The following ZNF701 variants were observed in gnomAD, a reference collection of about 807,000 sequenced individuals.
The protein encoded by ZNF701 is zinc finger protein 701.
ZNF701 carries 6 observed loss-of-function variants against 7.1 expected under a neutral mutation model. That is an observed-to-expected ratio of 0.84 (90% CI 0.46 to 1.66). ZNF701 has a LOEUF of 1.66. Among genes scored for constraint, ZNF701 ranks in the 40% most tolerant of loss-of-function variants. The pLI, the probability that ZNF701 is intolerant of heterozygous loss-of-function variation, is 0.01. For missense variants in ZNF701, 541 were observed against 559.2 expected, an observed-to-expected ratio of 0.97 and a Z score of 0.33; for synonymous variants, 166 against 188.2, an observed-to-expected ratio of 0.88 and a Z score of 0.97.
chr19:52,572,476 A>C, intron 1 of ZNF701: 1 of 1,144,910 alleles, frequency 8.7e-7, no homozygotes, highest in Non-Finnish European at 1.1e-6. Context: ...TTGCAAAGGA[A>C]GTTTCTTTAT....
intron 3 of ZNF701, among the ~76,000 whole-genome samples, chr19:52,579,330 C>T (rs750819555): frequency 2.9e-5 from 4 of 139,874 alleles, no homozygotes; most frequent in Non-Finnish European, 6.0e-5. Context: ...AGTTCAAGAC[C>T]AGTCTCAACA....
downstream of ZNF701, chr19:52,588,484 C>CA (rs376707736): frequency 0.12 from 18,638 of 156,338 alleles, 808 homozygotes; most frequent in African/African-American, 0.21. Flanking sequence ...GACACCATCT[C>CA]AAAAAAAAAA....
the ZNF701 span, among the ~76,000 whole-genome samples, chr19:52,593,042 T>C: frequency 1.4e-4 from 17 of 117,540 alleles, 6 homozygotes; most frequent in African/African-American, 5.6e-4. Flanking sequence ...CCACCCTTAA[T>C]CCATTCAACC....
At chr19:52,591,678 T>C (rs2060037440), downstream of ZNF701, among the ~76,000 whole-genome samples, 1 of 151,902 alleles carries the variant, frequency 6.6e-6, no homozygotes, top group African/African-American at 2.4e-5. Context: ...TGCCTCAGCC[T>C]TCAAGTAGCT....
At position 52,580,103 on chromosome 19, in the gene ZNF701, G is replaced by A. The variant is rs907625659; in HGVS notation, c.143-2099G>A. Among the ~76,000 whole-genome samples the A allele has an allele frequency of 4.2e-5, 6 of 141,212 alleles. 1 individual carries two copies. Among genetic ancestry groups the A allele is most frequent in the Admixed American group, 1.4e-4 (2 of 14,734 alleles). The allele number at this position is 141,212 out of a possible 152,430, so 92.6% of individuals were successfully genotyped here. A position where few individuals can be genotyped will look rare whatever the true frequency, so the allele number is the denominator to read the frequency against. ...GCTACAGGCGCCTGCCACCACACCC[G>A]GCTATTTTTTATTGTATTTTTAGTA... On this transcript the variant is annotated intron_variant, in intron 3 of 3. Coordinates refer to ENST00000391785, the MANE Select transcript of ZNF701 (RefSeq NM_018260.3).
Position 52,582,240 on chromosome 19 carries a change from A to G in ZNF701, c.181A>G (p.Thr61Ala). The G allele has an allele frequency of 1.3e-6, 2 of 1,591,064 alleles. No individual in the cohort carries two copies. Among genetic ancestry groups the G allele is most frequent in the Non-Finnish European group, 1.7e-6 (2 of 1,169,410 alleles). The change falls in exon 4 of 4, where the codon ACA (threonine) becomes GCA (alanine). Residue 61 changes from threonine (T) to alanine (A), a missense_variant. Coordinates refer to ENST00000391785, the MANE Select transcript of ZNF701 (RefSeq NM_018260.3). Reference protein sequence around the residue: ...SKCMMKMFSSTGQGNTEVVHT... With the variant: ...SKCMMKMFSSAGQGNTEVVHT... ...ATGCATGATGAAGATGTTCTCATCA[A>G]CAGGACAAGGCAATACAGAAGTGGT...
chr19:52,570,293 G>C lies in ZNF701; in HGVS notation c.-109G>C, dbSNP rs2059889116. On this transcript the variant is annotated 5_prime_UTR_variant, in exon 1 of 4. Coordinates refer to ENST00000391785, the MANE Select transcript of ZNF701 (RefSeq NM_018260.3). ...TGTGCGCACACATCCGCGCAGACCAGGAAGCGGATCCCGTGGAGTGAAGGT... is the reference window on the plus strand; with the variant it reads ...TGTGCGCACACATCCGCGCAGACCACGAAGCGGATCCCGTGGAGTGAAGGT... 6.5e-6 allele frequency: 1 copy of C among 154,230 alleles called. No homozygotes were observed. Among genetic ancestry groups the C allele is most frequent in the African/African-American group, 2.4e-5 (1 of 41,502 alleles). The allele number at this position is 154,230 out of a possible 1,614,324, so 9.6% of individuals were successfully genotyped here. A position where few individuals can be genotyped will look rare whatever the true frequency, so the allele number is the denominator to read the frequency against.
the ZNF701 span, among the ~76,000 whole-genome samples, chr19:52,592,618 G>C: frequency 1.3e-5 from 2 of 152,122 alleles, no homozygotes; most frequent in African/African-American, 4.8e-5. Context: ...GTTTTTATGA[G>C]ACAGAGTGTT....
At position 52,578,844 on chromosome 19, in the gene ZNF701, A is replaced by G. The variant is rs1024683997; in HGVS notation, c.142+2823A>G. On this transcript the variant is annotated intron_variant, in intron 3 of 3. Transcript: ENST00000391785. Reference sequence around the variant, plus strand: ...GCGATCTCGGCTCACTGCAAGCTCCACCTCCCGGGTTCACGCCATTCTCCT... The same window carrying G: ...GCGATCTCGGCTCACTGCAAGCTCCGCCTCCCGGGTTCACGCCATTCTCCT... 8.3e-4 allele frequency among the ~76,000 whole-genome samples: 126 copies of G among 151,632 alleles called. 1 individual carries two copies. The highest frequency in any genetic ancestry group is 2.0e-3 in the Admixed American group (30 of 15,218).
downstream of ZNF701, among the ~76,000 whole-genome samples, chr19:52,591,433 G>A (rs560364104): frequency 3.3e-5 from 5 of 152,168 alleles, no homozygotes; most frequent in East Asian, 9.7e-4. Flanking sequence ...CACCCACCTT[G>A]GTTTCCCAAA....
Position 52,586,048 on chromosome 19 carries a change from G to GT in ZNF701, c.*2598dup, listed in dbSNP as rs201427944. On this transcript the variant is annotated 3_prime_UTR_variant, in exon 4 of 4. Transcript: ENST00000391785. ...TGTGGTTTTTTTTGTTTTTGTTTTT[G>GT]TTTTTTTGATGGAGATGGGGTCTTA... 6.0e-3 allele frequency: 916 copies of GT among 151,932 alleles called. 10 individuals are homozygous for GT. The highest frequency in any genetic ancestry group is 0.037 in the East Asian group (189 of 5,108). The allele number at this position is 151,932 out of a possible 1,614,324, so 9.4% of individuals were successfully genotyped here. A position where few individuals can be genotyped will look rare whatever the true frequency, so the allele number is the denominator to read the frequency against.
chr19:52,593,086 A>G, the ZNF701 span, among the ~76,000 whole-genome samples: 5 of 118,080 alleles, frequency 4.2e-5, 2 homozygotes, highest in South Asian at 5.7e-4. Flanking sequence ...CAGAGAGCAC[A>G]GGGTTGGGGG....
At chr19:52,590,919 A>C (rs1392167640), downstream of ZNF701, among the ~76,000 whole-genome samples, 1 of 152,140 alleles carries the variant, frequency 6.6e-6, no homozygotes, top group East Asian at 1.9e-4. Flanking sequence ...GGCTCACTTC[A>C]ACCTCCACCT....
chr19:52,596,685 G>A, the ZNF701 span: 1 of 479,492 alleles, frequency 2.1e-6, no homozygotes, highest in Non-Finnish European at 4.3e-6. Context: ...AGTTCATACT[G>A]GAGAGAACCT....
chr19:52,573,584 G>C (rs924586759), intron 1 of ZNF701, among the ~76,000 whole-genome samples: 1 of 152,044 alleles, frequency 6.6e-6, no homozygotes, highest in Non-Finnish European at 1.5e-5. Context: ...ATGGTGGCCA[G>C]GCTGGTCTCA....
chr19:52,578,278 AGAAG>A (rs1414679663), intron 3 of ZNF701, among the ~76,000 whole-genome samples: 1 of 149,428 alleles, frequency 6.7e-6, no homozygotes, highest in Non-Finnish European at 1.5e-5. Flanking sequence ...AAAAAAAAAA[AGAAG>A]TGTATAGAAG....
rs2060010141 is a variant in ZNF701 at position 52,586,116 on chromosome 19, A to G, written c.*2659A>G. On this transcript the variant is annotated 3_prime_UTR_variant, in exon 4 of 4. Transcript: ENST00000391785. ...AAGAGCGGTGACCGGATCACAGCTC[A>G]CTGCAGCTTCAACCTCCTGGGCTCA... 1 of 152,064 alleles carries G rather than the reference A, an allele frequency of 6.6e-6. No individual in the cohort carries two copies. Among genetic ancestry groups the G allele is most frequent in the Admixed American group, 6.6e-5 (1 of 15,242 alleles). The allele number at this position is 152,064 out of a possible 1,614,324, so 9.4% of individuals were successfully genotyped here.
At chr19:52,590,318 C>T (rs1449160059), downstream of ZNF701, among the ~76,000 whole-genome samples, 1 of 146,956 alleles carries the variant, frequency 6.8e-6, no homozygotes. Context: ...CCAGGCTGTT[C>T]TGCAAACTCC....
At chr19:52,587,677 A>G (rs2060020246), downstream of ZNF701, among the ~76,000 whole-genome samples, 1 of 152,224 alleles carries the variant, frequency 6.6e-6, no homozygotes, top group Non-Finnish European at 1.5e-5. Context: ...GGAGAGCAGA[A>G]TCAGAAGGTG....
Sources: gnomAD v4.1 joint callset for allele counts (sites outside exome capture counted in the v4.1 genomes callset) on GRCh38, gnomAD v4.1.1 for gene constraint, MANE v1.5 for transcripts, NCBI Gene and HGNC (gene_info 2026-07-23, HGNC 2026-07-21) for gene names.